Variants in ELL observed in about 807,000 individuals in gnomAD.
The protein encoded by ELL is RNA polymerase II elongation factor ELL.
Under a neutral mutation model 64.0 loss-of-function variants are expected in ELL, and 18 were observed. That is an observed-to-expected ratio of 0.28 (90% confidence interval 0.19 to 0.42). ELL has a LOEUF of 0.42. Ranked by LOEUF, ELL falls within the 10% of genes least tolerant of loss-of-function variation. The pLI, the probability that ELL is intolerant of heterozygous loss-of-function variation, is 1.00. For synonymous variants in ELL, 399 were observed against 376.2 expected (o/e 1.06, Z -0.70); for missense variants, 797 against 870.4 (o/e 0.92, Z 1.06).
In ELL at chr19:18,444,793, T is replaced by C; in HGVS notation, c.1825A>G (p.Ile609Val). Residue 609 changes from isoleucine to valine, a missense_variant, in exon 12 of 12, where the codon ATC (isoleucine) becomes GTC (valine). Coordinates refer to ENST00000262809, the MANE Select transcript of ELL (RefSeq NM_006532.4). ...AGCTGCCGCTGGTCGTACTCGGCGATGAGCCTCTTGATGTGGGCCAGCTTG... is the reference window on the plus strand; with the variant it reads ...AGCTGCCGCTGGTCGTACTCGGCGACGAGCCTCTTGATGTGGGCCAGCTTG... ...HSKLAHIKRL[I>V]AEYDQRQLQA... is the part of the protein sequence containing the mutation. 1 of 1,609,544 alleles carries C rather than the reference T, an allele frequency of 6.2e-7. No homozygotes were observed. The highest frequency in any genetic ancestry group is 8.5e-7 in the Non-Finnish European group (1 of 1,179,140).
intron 1 of ELL, among the ~76,000 whole-genome samples, chr19:18,518,137 A>G (rs271623): frequency 0.47 from 70,760 of 151,300 alleles, 19,135 homozygotes; most frequent in African/African-American, 0.76. Context: ...GCAGTGAGCC[A>G]AGATAACACC....
intron 2 of ELL, chr19:18,472,447 C>A: frequency 4.3e-6 from 1 of 233,070 alleles, no homozygotes; most frequent in Non-Finnish European, 8.3e-6. Context: ...ATAACAGGCT[C>A]AGCTGACAGG....
Position 18,444,742 on chromosome 19 carries a change from G to T in ELL, c.*10C>A, listed in dbSNP as rs546959517. The T allele has an allele frequency of 3.1e-6, 5 of 1,593,542 alleles. No homozygotes were observed. The Admixed American group carries it at 8.5e-5, about 27-fold the overall frequency. ...CGACCCTCCCAGATCCCCGCCATCG[G>T]GGAGGGCGGCTAGGGCCAAGCCTGC... On this transcript the variant is annotated 3_prime_UTR_variant, in exon 12 of 12. Coordinates refer to ENST00000262809, the MANE Select transcript of ELL (RefSeq NM_006532.4).
intron 1 of ELL, among the ~76,000 whole-genome samples, chr19:18,488,620 C>G (rs575682073): frequency 5.9e-5 from 9 of 152,188 alleles, no homozygotes; most frequent in Non-Finnish European, 1.3e-4. Flanking sequence ...AAAGTCTGAT[C>G]GCAGGGACCT....
intron 1 of ELL, among the ~76,000 whole-genome samples, chr19:18,494,686 C>T (rs1465714998): frequency 6.6e-6 from 1 of 152,140 alleles, no homozygotes; most frequent in East Asian, 1.9e-4. Flanking sequence ...AGCCACCGCA[C>T]CAGGCCAGAA....
intron 1 of ELL, among the ~76,000 whole-genome samples, chr19:18,500,119 G>A (rs1034526668): frequency 6.6e-6 from 1 of 152,126 alleles, no homozygotes; most frequent in African/African-American, 2.4e-5. Flanking sequence ...AAAATTATCT[G>A]GGCATGGTGG....
intron 1 of ELL, among the ~76,000 whole-genome samples, chr19:18,503,212 C>T (rs556840272): frequency 1.3e-5 from 2 of 152,364 alleles, no homozygotes; most frequent in Non-Finnish European, 2.9e-5. Context: ...TGGCACCGCC[C>T]GCCCAGCAGT....
chr19:18,502,097 G>A (rs1224709382), intron 1 of ELL, among the ~76,000 whole-genome samples: 1 of 152,164 alleles, frequency 6.6e-6, no homozygotes, highest in African/African-American at 2.4e-5. Context: ...GCAAGTGGGA[G>A]GTGCTCTGGT....
chr19:18,457,136 G>C (rs1187654596), intron 6 of ELL, among the ~76,000 whole-genome samples: 5 of 152,176 alleles, frequency 3.3e-5, no homozygotes, highest in Non-Finnish European at 7.4e-5. Flanking sequence ...CATGAGCCCA[G>C]CAAGCTCACT....
intron 6 of ELL, among the ~76,000 whole-genome samples, chr19:18,457,995 G>A (rs1386124394): frequency 6.6e-6 from 1 of 152,218 alleles, no homozygotes; most frequent in Non-Finnish European, 1.5e-5. Context: ...GTCCCACTCT[G>A]TGAGCGTGGC....
intron 6 of ELL, among the ~76,000 whole-genome samples, chr19:18,455,444 C>G (rs1305748987): frequency 6.7e-6 from 1 of 148,904 alleles, no homozygotes; most frequent in Non-Finnish European, 1.5e-5. Context: ...GAGCCGAGAT[C>G]ATGCCACTGC....
intron 1 of ELL, among the ~76,000 whole-genome samples, chr19:18,473,477 G>A (rs1975107141): frequency 6.6e-6 from 1 of 152,218 alleles, no homozygotes; most frequent in Non-Finnish European, 1.5e-5. Flanking sequence ...CTTGGAGCCT[G>A]GGGTGGGAGC....
At chr19:18,514,182 C>T (rs1396219681) in intron 1 of ELL, among the ~76,000 whole-genome samples, 2 of 151,874 alleles carry the variant, frequency 1.3e-5, no homozygotes, top group African/African-American at 2.4e-5. Context: ...AGTCTCCCTG[C>T]GGATGGTTTA....
chr19:18,507,499 C>A (rs966659993), intron 1 of ELL, among the ~76,000 whole-genome samples: 2 of 152,252 alleles, frequency 1.3e-5, no homozygotes, highest in African/African-American at 4.8e-5. Context: ...TCTCCTAGGT[C>A]TCCCCAGCCC....
chr19:18,501,352 A>G lies in ELL; in HGVS notation c.135+20569T>C, dbSNP rs1975776539. ...TGCCCAGCACCAACACCAAATTAAG[A>G]GGAATCAAAAACCCTGCTGAGCGAG... On this transcript the variant is annotated intron_variant, in intron 1 of 11. Coordinates refer to ENST00000262809, the MANE Select transcript of ELL (RefSeq NM_006532.4). The surrounding 1 kb of genome is among the most constrained non-coding windows in gnomAD (Gnocchi z 4.5). 6.6e-6 allele frequency among the ~76,000 whole-genome samples: 1 copy of G among 152,172 alleles called. No individual in the cohort carries two copies. Among genetic ancestry groups the G allele is most frequent in the South Asian group, 2.1e-4 (1 of 4,832 alleles).
chr19:18,488,451 G>C (rs1356907814), intron 1 of ELL, among the ~76,000 whole-genome samples: 1 of 152,224 alleles, frequency 6.6e-6, no homozygotes, highest in Non-Finnish European at 1.5e-5. Context: ...GTGCTGGCCA[G>C]GGCTGGCCCA....
At chr19:18,454,583 G>A (rs1045796934) in intron 6 of ELL, among the ~76,000 whole-genome samples, 4 of 152,034 alleles carry the variant, frequency 2.6e-5, no homozygotes, top group African/African-American at 4.8e-5. Context: ...GCTCATGCCT[G>A]TAATCCCAGT....
rs972289794 is a variant in ELL, at chr19:18,501,314, G to A, written c.135+20607C>T. Among the ~76,000 whole-genome samples, 2 of 152,074 alleles carry A rather than the reference G, an allele frequency of 1.3e-5. No individual in the cohort carries two copies. Among genetic ancestry groups the A allele is most frequent in the Non-Finnish European group, 2.9e-5 (2 of 68,020 alleles). On this transcript the variant is annotated intron_variant, in intron 1 of 11. Coordinates refer to ENST00000262809, the MANE Select transcript of ELL (RefSeq NM_006532.4). The surrounding 1 kb of genome is among the most constrained non-coding windows in gnomAD (Gnocchi z 4.5). ...AGCCACCAAGCAGACCCGGATGAGAGCAATACTGTGTGTGCCCAGCACCAA... is the reference window on the plus strand; with the variant it reads ...AGCCACCAAGCAGACCCGGATGAGAACAATACTGTGTGTGCCCAGCACCAA...
intron 1 of ELL, among the ~76,000 whole-genome samples, chr19:18,500,261 C>CA (rs545592109): frequency 0.03 from 1,982 of 65,900 alleles, 63 homozygotes; most frequent in African/African-American, 0.096. Flanking sequence ...GACTCCGTCT[C>CA]AAAAAAAAAA....
Sources: gnomAD v4.1 joint callset for allele counts (sites outside exome capture counted in the v4.1 genomes callset) on GRCh38, gnomAD v4.1.1 for gene constraint, Gnocchi (gnomAD v3.1) non-coding constraint, MANE v1.5 for transcripts, NCBI Gene and HGNC (gene_info 2026-07-23, HGNC 2026-07-21) for gene names.